Variants in ADAM9 observed in about 807,000 individuals in gnomAD.
ADAM9 encodes the protein disintegrin and metalloproteinase domain-containing protein 9.
A neutral mutation model predicts 108.1 loss-of-function variants in ADAM9; 54 were observed. The observed-to-expected ratio is 0.50, with a 90% CI of 0.40 to 0.63. The LOEUF (loss-of-function observed/expected upper bound fraction) is 0.63, where lower values mean the gene tolerates loss of function less well. ADAM9 is among the 20% of genes least tolerant of loss of function. The pLI is 0.00. For missense variants in ADAM9, 830 were observed against 997.7 expected (o/e 0.83, Z 2.26); for synonymous variants, 316 against 336.0 (o/e 0.94, Z 0.65).
At chr8:39,065,688 T>C (rs1481179692) in intron 14 of ADAM9, among the ~76,000 whole-genome samples, 3 of 141,066 alleles carry the variant, frequency 2.1e-5, no homozygotes, top group Non-Finnish European at 1.5e-5. Context: ...AAAAAGGACA[T>C]AATCTGTTCT....
chr8:39,065,045 G>A, intron 14 of ADAM9, among the ~76,000 whole-genome samples: 1 of 151,978 alleles, frequency 6.6e-6, no homozygotes, highest in East Asian at 1.9e-4. Context: ...ATTCAATCTG[G>A]GAACTCATTT....
intron 20 of ADAM9, 138 bp downstream of exon 20, chr8:39,091,484 T>G (rs1839353037): frequency 1.2e-6 from 1 of 824,660 alleles, no homozygotes; most frequent in African/African-American, 1.7e-5. Flanking sequence ...AGGTGGTCCC[T>G]GAGTTTTTTG....
Position 39,045,762 on chromosome 8 carries a change from C to G in ADAM9, c.1302+3645C>G, listed in dbSNP as rs1384969051. 3.9e-5 allele frequency among the ~76,000 whole-genome samples: 6 copies of G among 151,946 alleles called. No individual in the cohort carries two copies. In the South Asian group the frequency reaches 6.2e-4, roughly 16 times the overall value. On this transcript the variant is annotated intron_variant, in intron 12 of 21. Coordinates refer to ENST00000487273, the MANE Select transcript of ADAM9 (RefSeq NM_003816.3). ...GGAATTGCTGGGTCAAATGGTAGTT[C>G]TAGTTTTAGTTCTTTGAAAAATCTT...
At chr8:39,050,830 G>GTTTTTTTTTTT (rs58115667) in intron 12 of ADAM9, among the ~76,000 whole-genome samples, 1 of 85,234 alleles carries the variant, frequency 1.2e-5, no homozygotes, top group African/African-American at 4.9e-5. Flanking sequence ...GCTTGGAAGT[G>GTTTTTTTTTTT]TTTTTTTTTT....
chr8:39,034,464 C>T (rs1588360256), intron 11 of ADAM9, among the ~76,000 whole-genome samples: 1 of 152,092 alleles, frequency 6.6e-6, no homozygotes, highest in African/African-American at 2.4e-5. Context: ...TGACCACTGC[C>T]CTTGCTCTTT....
chr8:39,086,619 A>AT (rs1450015228), intron 18 of ADAM9, among the ~76,000 whole-genome samples: 3 of 151,750 alleles, frequency 2.0e-5, no homozygotes, highest in Non-Finnish European at 4.4e-5. Context: ...CAGTTTTGAT[A>AT]TTTTTCCCTC....
intron 12 of ADAM9, among the ~76,000 whole-genome samples, chr8:39,045,810 G>C (rs969505557): frequency 3.3e-5 from 5 of 151,586 alleles, no homozygotes; most frequent in Non-Finnish European, 7.4e-5. Context: ...CATAGAGGTT[G>C]AACTAATTTA....
chr8:39,026,817 A>G lies in ADAM9; in HGVS notation c.1130+7A>G, dbSNP rs749501628. 6.6e-7 allele frequency: 1 copy of G among 1,508,470 alleles called. No homozygotes were observed. The highest frequency in any genetic ancestry group is 1.1e-5 in the South Asian group (1 of 88,372). The allele number at this position is 1,508,470 out of a possible 1,614,324, so 93.4% of individuals were successfully genotyped here. A position where few individuals can be genotyped will look rare whatever the true frequency, so the allele number is the denominator to read the frequency against. On this transcript the variant is annotated splice_region_variant and intron_variant, in intron 11 of 21. Transcript: ENST00000487273. ...TCATGAATTCAGGAGCATCGTGAGT[A>G]CCTGGGTTCTTCTTCTCCTTTATTT...
Position 39,104,453 on chromosome 8 carries a change from CTA to C in ADAM9, c.*755_*756del, listed in dbSNP as rs1158936879. 5 of 407,434 alleles carry C rather than the reference CTA, an allele frequency of 1.2e-5. No individual in the cohort carries two copies. Among genetic ancestry groups the C allele is most frequent in the African/African-American group, 2.1e-5 (1 of 47,942 alleles). 25.2% of individuals were successfully genotyped at this position (407,434 alleles called of 1,614,324 possible). A position where few individuals can be genotyped will look rare whatever the true frequency, so the allele number is the denominator to read the frequency against. On this transcript the variant is annotated 3_prime_UTR_variant, in exon 22 of 22. Coordinates refer to ENST00000487273, the MANE Select transcript of ADAM9 (RefSeq NM_003816.3). ...AGCATGACATTCGTTCACAATAGCA[CTA>C]TTTTAAATAAATTATAAGCTTTAAG...
chr8:39,057,384 CTT>C (rs895933765), intron 14 of ADAM9, among the ~76,000 whole-genome samples: 1 of 148,412 alleles, frequency 6.7e-6, no homozygotes, highest in African/African-American at 2.5e-5. Context: ...TATATAATAT[CTT>C]ATATATGTAT....
At position 39,101,987 on chromosome 8, in the gene ADAM9, C is replaced by T. The variant is rs974822381; in HGVS notation, c.2366+57C>T. 8 of 1,322,180 alleles carry T rather than the reference C, an allele frequency of 6.1e-6. No homozygotes were observed. In the Admixed American group the frequency reaches 6.8e-5, roughly 11 times the overall value. 81.9% of individuals were successfully genotyped at this position (1,322,180 alleles called of 1,614,324 possible). A position where few individuals can be genotyped will look rare whatever the true frequency, so the allele number is the denominator to read the frequency against. ...CAGAATAAAACCTAGGGGTTAATGT[C>T]TAATAATTTCCCCTGTATTTTAATG... On this transcript the variant is annotated intron_variant, in intron 21 of 21. Transcript: ENST00000487273.
chr8:39,051,785 C>G (rs1837965704), intron 12 of ADAM9, among the ~76,000 whole-genome samples: 1 of 152,024 alleles, frequency 6.6e-6, no homozygotes, highest in Non-Finnish European at 1.5e-5. Flanking sequence ...GTAGACATAG[C>G]CCTTTAATTT....
chr8:39,064,667 G>A (rs1407415821), intron 14 of ADAM9, among the ~76,000 whole-genome samples: 1 of 152,114 alleles, frequency 6.6e-6, no homozygotes, highest in East Asian at 1.9e-4. Context: ...TCTCCTGTTT[G>A]CATTTCCCAT....
intron 1 of ADAM9, among the ~76,000 whole-genome samples, chr8:38,999,578 T>C (rs1437496806): frequency 2.0e-5 from 3 of 152,148 alleles, no homozygotes; most frequent in Non-Finnish European, 4.4e-5. Flanking sequence ...GCCAGCAAAA[T>C]ATTTGAATTT....
intron 11 of ADAM9, 44 bp downstream of exon 11, chr8:39,026,854 T>G: frequency 6.2e-7 from 1 of 1,610,552 alleles, no homozygotes; most frequent in Non-Finnish European, 8.5e-7. Flanking sequence ...GTATTGTAGA[T>G]CCATGTTTCT....
At chr8:39,083,172 A>G (rs1839075845) in intron 18 of ADAM9, 99 bp downstream of exon 18, 9 of 858,100 alleles carry the variant, frequency 1.0e-5, no homozygotes, top group South Asian at 4.3e-5. Flanking sequence ...TCAGTTATAC[A>G]TTTAATTATG....
At chr8:38,999,126 C>T (rs941558811) in intron 1 of ADAM9, among the ~76,000 whole-genome samples, 2 of 152,102 alleles carry the variant, frequency 1.3e-5, no homozygotes, top group Non-Finnish European at 2.9e-5. Context: ...CATACAAAAT[C>T]AGCTGACCAC....
At chr8:39,044,920 A>ATGTG (rs1837574997) in intron 12 of ADAM9, among the ~76,000 whole-genome samples, 7 of 120,490 alleles carry the variant, frequency 5.8e-5, no homozygotes, top group Non-Finnish European at 1.0e-4. Flanking sequence ...ATATGTATGT[A>ATGTG]TATATGTGTG....
Position 39,045,072 on chromosome 8 carries a change from ATG to A in ADAM9, c.1302+2964_1302+2965del, listed in dbSNP as rs1160559853. On this transcript the variant is annotated intron_variant, in intron 12 of 21. Transcript: ENST00000487273. ...TGTATGTGTGTGTGCATACATACAT[ATG>A]TGTGTGTGCATACATACATATGTGT... 6.5e-4 allele frequency among the ~76,000 whole-genome samples: 22 copies of A among 34,042 alleles called. 3 individuals carry two copies. The highest frequency in any genetic ancestry group is 1.2e-3 in the Non-Finnish European group (19 of 16,124). The allele number at this position is 34,042 out of a possible 152,430, so 22.3% of individuals were successfully genotyped here.
Sources: allele counts gnomAD v4.1 joint callset (sites outside exome capture counted in the v4.1 genomes callset), GRCh38; gene constraint gnomAD v4.1.1; transcripts MANE v1.5; gene names NCBI Gene and HGNC (gene_info 2026-07-23, HGNC 2026-07-21).